MPDZ: variants seen among roughly 807,000 people sequenced by gnomAD.
The protein encoded by MPDZ is multiple PDZ domain protein.
A neutral mutation model predicts 239.1 loss-of-function variants in MPDZ; 234 were observed. The observed-to-expected ratio is 0.98, with a 90% CI of 0.88 to 1.09. MPDZ has a LOEUF of 1.09. Ranked by LOEUF, MPDZ falls within the 50% of genes least tolerant of loss-of-function variation. The pLI is 0.00. For missense variants in MPDZ, 3,175 were observed against 2,510.0 expected, an observed-to-expected ratio of 1.26 and a Z score of -5.66; for synonymous variants, 1,048 against 881.3, an observed-to-expected ratio of 1.19 and a Z score of -3.35.
chr9:13,164,881 C>A (rs1950888286), intron 22 of MPDZ, among the ~76,000 whole-genome samples: 1 of 152,072 alleles, frequency 6.6e-6, no homozygotes, highest in Admixed American at 6.6e-5. Context: ...ACTTCCAAAT[C>A]GCCAGCAAAA....
chr9:13,254,840 C>G (rs1325679596), intron 1 of MPDZ, among the ~76,000 whole-genome samples: 1 of 152,190 alleles, frequency 6.6e-6, no homozygotes, highest in Non-Finnish European at 1.5e-5. Flanking sequence ...AGTCTTTGAG[C>G]TGGTGGAGGG....
intron 1 of MPDZ, among the ~76,000 whole-genome samples, chr9:13,253,664 C>T (rs1968686743): frequency 6.6e-6 from 1 of 152,152 alleles, no homozygotes; most frequent in South Asian, 2.1e-4. Flanking sequence ...AAAGAAGATC[C>T]AACATGTCAG....
chr9:13,142,670 T>C (rs1299944772), intron 27 of MPDZ, among the ~76,000 whole-genome samples: 35 of 152,068 alleles, frequency 2.3e-4, no homozygotes, highest in Admixed American at 2.2e-3. Context: ...TGGGGAACAA[T>C]GGAAGATAAT....
chr9:13,273,256 G>C (rs1695063897), intron 1 of MPDZ, among the ~76,000 whole-genome samples: 1 of 152,144 alleles, frequency 6.6e-6, no homozygotes, highest in African/African-American at 2.4e-5. Context: ...GGCCTAGCAA[G>C]GTATAAGAGA....
At chr9:13,177,871 C>G (rs775051436) in intron 19 of MPDZ, among the ~76,000 whole-genome samples, 3 of 152,124 alleles carry the variant, frequency 2.0e-5, no homozygotes, top group Non-Finnish European at 2.9e-5. Flanking sequence ...TAATTGTTAG[C>G]TACTGCTGTT....
At chr9:13,164,953 A>G (rs1363983599) in intron 22 of MPDZ, among the ~76,000 whole-genome samples, 1 of 152,190 alleles carries the variant, frequency 6.6e-6, no homozygotes, top group Non-Finnish European at 1.5e-5. Context: ...GAGTTGAATT[A>G]AAAATTCAAA....
At position 13,165,305 on chromosome 9, in the gene MPDZ, T is replaced by C. The variant is rs942667191; in HGVS notation, c.3255-2510A>G. The C allele has an allele frequency of 9.9e-6, 15 of 1,518,790 alleles. No homozygotes were observed. In the East Asian group the frequency reaches 1.2e-4, roughly 13 times the overall value. The allele number at this position is 1,518,790 out of a possible 1,614,324, so 94.1% of individuals were successfully genotyped here. A position where few individuals can be genotyped will look rare whatever the true frequency, so the allele number is the denominator to read the frequency against. On this transcript the variant is annotated intron_variant, in intron 22 of 46. Coordinates refer to ENST00000319217, the MANE Select transcript of MPDZ (RefSeq NM_001378778.1). The stretch of plus-strand genomic sequence containing the variant: ...ATTGGGACATTACAAAAGCACAAAA[T>C]TGTTTTCACAGACAAGTTGTAACAC...
At chr9:13,161,375 G>C (rs1950465807) in intron 23 of MPDZ, among the ~76,000 whole-genome samples, 1 of 151,988 alleles carries the variant, frequency 6.6e-6, no homozygotes, top group Non-Finnish European at 1.5e-5. Context: ...TTCAAGACCA[G>C]CCTGGCCAAC....
At chr9:13,215,645 A>T (rs952327274) in intron 10 of MPDZ, among the ~76,000 whole-genome samples, 4 of 151,294 alleles carry the variant, frequency 2.6e-5, no homozygotes, top group African/African-American at 9.7e-5. Flanking sequence ...TTCCCTCAAG[A>T]TGTCTTTCAA....
intron 3 of MPDZ, among the ~76,000 whole-genome samples, chr9:13,241,651 A>AAAACAGTAT (rs1965432764): frequency 6.6e-6 from 1 of 152,248 alleles, no homozygotes; most frequent in Non-Finnish European, 1.5e-5. Context: ...TGAATCAAAC[A>AAAACAGTAT]AAACAGTATC....
chr9:13,223,472 T>C, intron 5 of MPDZ, 99 bp downstream of exon 5: 1 of 1,361,314 alleles, frequency 7.3e-7, no homozygotes, highest in Non-Finnish European at 9.7e-7. Flanking sequence ...TGTTCAATTT[T>C]TTGTTGCCAT....
intron 27 of MPDZ, among the ~76,000 whole-genome samples, chr9:13,141,943 A>G (rs1321281012): frequency 6.6e-6 from 1 of 152,172 alleles, no homozygotes; most frequent in African/African-American, 2.4e-5. Context: ...AAATGTCTCA[A>G]ATTAATAATA....
intron 19 of MPDZ, among the ~76,000 whole-genome samples, chr9:13,177,060 G>A (rs1952596429): frequency 6.6e-6 from 1 of 152,088 alleles, no homozygotes; most frequent in Non-Finnish European, 1.5e-5. Context: ...TTAACAATTT[G>A]TATATCACAG....
At chr9:13,262,766 T>C (rs576132690) in intron 1 of MPDZ, among the ~76,000 whole-genome samples, 1 of 152,152 alleles carries the variant, frequency 6.6e-6, no homozygotes, top group East Asian at 1.9e-4. Flanking sequence ...ACAAGTGGGT[T>C]AGACTCATTT....
At chr9:13,152,096 A>G (rs1949250960) in intron 24 of MPDZ, among the ~76,000 whole-genome samples, 1 of 152,128 alleles carries the variant, frequency 6.6e-6, no homozygotes, top group African/African-American at 2.4e-5. Context: ...CTAAACAGAT[A>G]GCAGCTTCTA....
At chr9:13,108,478 T>C (rs1265124971) in intron 46 of MPDZ, among the ~76,000 whole-genome samples, 1 of 152,108 alleles carries the variant, frequency 6.6e-6, no homozygotes, top group Non-Finnish European at 1.5e-5. Context: ...TTTTATTCAA[T>C]GAAATTAAAT....
rs1586961295 is a variant in MPDZ, at chr9:13,122,543, C to T, written c.4954-373G>A. Among the ~76,000 whole-genome samples the T allele has an allele frequency of 2.2e-5, 3 of 135,584 alleles. No individual in the cohort carries two copies. The East Asian group carries it at 6.1e-4, about 28-fold the overall frequency. The allele number at this position is 135,584 out of a possible 152,430, so 88.9% of individuals were successfully genotyped here. On this transcript the variant is annotated intron_variant, in intron 36 of 46. Coordinates refer to ENST00000319217, the MANE Select transcript of MPDZ (RefSeq NM_001378778.1). ...AAACTCTTTTTTTTTTTTTTTGAGA[C>T]GTAGTCTCACTCTGTCACCCAGGCT...
Position 13,206,029 on chromosome 9 carries a change from G to C in MPDZ, c.1361C>G (p.Thr454Ser), listed in dbSNP as rs1167651622. 6.2e-7 allele frequency: 1 copy of C among 1,612,046 alleles called. No individual in the cohort carries two copies. Among genetic ancestry groups the C allele is most frequent in the Non-Finnish European group, 8.5e-7 (1 of 1,179,470 alleles). ...AVEVLRHTGQ[T>S]VLLTLMRRGM... ...TCTCCTCATTAGTGTCAGGAGCACA[G>C]TTTGTCCTGTATGTCGCAATACCTC... is the stretch of plus-strand genomic sequence containing the variant. Residue 454 changes from threonine (T) to serine (S), a missense_variant, in exon 11 of 47, where the codon ACT (threonine) becomes AGT (serine). Coordinates refer to ENST00000319217, the MANE Select transcript of MPDZ (RefSeq NM_001378778.1).
rs1358158516 is a variant in MPDZ, at chr9:13,106,063, A to G, written c.*902T>C. The G allele has an allele frequency of 6.6e-6, 1 of 152,180 alleles. No individual in the cohort carries two copies. 9.4% of individuals were successfully genotyped at this position (152,180 alleles called of 1,614,324 possible). On this transcript the variant is annotated 3_prime_UTR_variant, in exon 47 of 47. Transcript: ENST00000319217. ...CACATTGTTCTCTGTCATTAAGATT[A>G]ATATGAATTGAAAACCAATTGCACA...
Sources: allele counts gnomAD v4.1 joint callset (sites outside exome capture counted in the v4.1 genomes callset), GRCh38; gene constraint gnomAD v4.1.1; transcripts MANE v1.5; gene names NCBI Gene and HGNC (gene_info 2026-07-23, HGNC 2026-07-21).